Variants in BRD4 observed in about 807,000 individuals in gnomAD.
BRD4 encodes bromodomain containing 4.
A neutral mutation model predicts 142.1 loss-of-function variants in BRD4; 16 were observed. The ratio of observed to expected loss-of-function variants is 0.11; its 90% CI spans 0.08 to 0.17. The LOEUF is 0.17. Among genes scored for constraint, BRD4 ranks in the 10% least tolerant of loss-of-function variants. The pLI, the probability that BRD4 is intolerant of heterozygous loss-of-function variation, is 1.00. For missense variants in BRD4, 1,424 were observed against 1,810.9 expected (o/e 0.79, Z 3.88); for synonymous variants, 833 against 707.5 (o/e 1.18, Z -2.82).
intron 2 of BRD4, among the ~76,000 whole-genome samples, chr19:15,272,376 T>C (rs1248330153): frequency 1.3e-5 from 2 of 152,146 alleles, no homozygotes; most frequent in Non-Finnish European, 2.9e-5. Flanking sequence ...ACAGTGACGA[T>C]GATGCTAGGT....
rs191296664 is a variant in BRD4 at position 15,322,804 on chromosome 19, T to C, written c.-35+9486A>G. Among the ~76,000 whole-genome samples, 1,080 of 149,056 alleles carry C rather than the reference T, an allele frequency of 7.2e-3. 10 individuals carry two copies. Among genetic ancestry groups the C allele is most frequent in the Non-Finnish European group, 9.8e-3 (663 of 67,482 alleles). ...ATAGCGTGAACCTGGGAGGCAGAGC[T>C]TGCAGTGAGCTGAGACTGCGCCACT... On this transcript the variant is annotated intron_variant, in intron 1 of 19. Coordinates refer to ENST00000679869, the MANE Select transcript of BRD4 (RefSeq NM_001379291.1).
At chr19:15,318,442 T>C (rs1017898536) in intron 1 of BRD4, among the ~76,000 whole-genome samples, 1 of 152,156 alleles carries the variant, frequency 6.6e-6, no homozygotes, top group African/African-American at 2.4e-5. Context: ...CAGACAAGGA[T>C]GTGAGGAGAA....
chr19:15,264,815 C>A (rs1386082772), intron 5 of BRD4, 49 bp from the exon 6 acceptor site: 6 of 1,556,602 alleles, frequency 3.9e-6, no homozygotes, highest in Non-Finnish European at 5.2e-6. Flanking sequence ...TGGCAGCCGG[C>A]ACAGCTGCCC....
At chr19:15,253,952 A>T (rs1308393736) in intron 11 of BRD4, 200 bp downstream of exon 11, 17 of 706,778 alleles carry the variant, frequency 2.4e-5, no homozygotes, top group Non-Finnish European at 3.7e-5. Flanking sequence ...CCAGGCCGAG[A>T]GAATGGACAC....
intron 1 of BRD4, among the ~76,000 whole-genome samples, chr19:15,324,450 C>T (rs2048090878): frequency 6.6e-6 from 1 of 152,200 alleles, no homozygotes. Context: ...TCAAAAGGCC[C>T]AAAGTCGATC....
At chr19:15,263,758 G>A (rs1033746723) in intron 6 of BRD4, among the ~76,000 whole-genome samples, 6 of 152,186 alleles carry the variant, frequency 3.9e-5, no homozygotes, top group East Asian at 1.9e-4. Context: ...CACCTGCCTG[G>A]CTCGCAGGCA....
Position 15,263,281 on chromosome 19 carries a change from A to G in BRD4, c.1341+139T>C. 4 of 1,105,598 alleles carry G rather than the reference A, an allele frequency of 3.6e-6. No homozygotes were observed. The South Asian group carries it at 4.7e-5, about 13-fold the overall frequency. 68.5% of individuals were successfully genotyped at this position (1,105,598 alleles called of 1,614,324 possible). A position where few individuals can be genotyped will look rare whatever the true frequency, so the allele number is the denominator to read the frequency against. On this transcript the variant is annotated intron_variant, in intron 7 of 19. Coordinates refer to ENST00000679869, the MANE Select transcript of BRD4 (RefSeq NM_001379291.1). ...AAAATGTATGCACTAGGCTGACTTTAGGCACTTTTCTAAAGCAACATGGCA... is the reference window on the plus strand; with the variant it reads ...AAAATGTATGCACTAGGCTGACTTTGGGCACTTTTCTAAAGCAACATGGCA...
chr19:15,273,264 G>A, intron 1 of BRD4, 131 bp from the exon 2 acceptor site: 1 of 841,896 alleles, frequency 1.2e-6, no homozygotes, highest in Non-Finnish European at 1.8e-6. Flanking sequence ...TTGGCCAGAG[G>A]GACCACCCCA....
intron 1 of BRD4, among the ~76,000 whole-genome samples, chr19:15,277,643 A>G (rs1488987585): frequency 7.0e-6 from 1 of 142,388 alleles, no homozygotes; most frequent in Admixed American, 7.0e-5. Flanking sequence ...AAAAAAAAGT[A>G]CCCAGGCATG....
intron 7 of BRD4, among the ~76,000 whole-genome samples, chr19:15,263,139 G>C (rs2047492186): frequency 1.3e-5 from 2 of 152,236 alleles, no homozygotes; most frequent in South Asian, 4.1e-4. Context: ...GTGTTTTGTA[G>C]AAGAGACTGG....
chr19:15,243,774 A>T (rs1035452624), intron 13 of BRD4, among the ~76,000 whole-genome samples: 1 of 151,650 alleles, frequency 6.6e-6, no homozygotes, highest in Non-Finnish European at 1.5e-5. Context: ...TCGGTCTCTC[A>T]CTTGCCCGGC....
chr19:15,244,188 C>A, intron 13 of BRD4, 43 bp downstream of exon 13: 1 of 1,537,566 alleles, frequency 6.5e-7, no homozygotes, highest in African/African-American at 1.4e-5. Flanking sequence ...TAAACCGAGG[C>A]AGGAAGGGGT....
chr19:15,322,916 G>T (rs1315285903), intron 1 of BRD4, among the ~76,000 whole-genome samples: 1 of 150,236 alleles, frequency 6.7e-6, no homozygotes, highest in Non-Finnish European at 1.5e-5. Context: ...CGGGTGTGGT[G>T]GTGGGCGCCT....
Position 15,238,655 on chromosome 19 carries a change from C to G in BRD4, c.4020+88G>C, listed in dbSNP as rs2047212913. On this transcript the variant is annotated intron_variant, in intron 19 of 19. Transcript: ENST00000679869. This position sits in a 1 kb window ranked among gnomAD's most constrained non-coding sequence, Gnocchi z 7.2. Reference sequence around the variant, plus strand: ...GCAGGGACGGGGCTCCCCCGCTGCCCCTCCCTGTCCAGGCTCCAGTCCCCC... The same window carrying G: ...GCAGGGACGGGGCTCCCCCGCTGCCGCTCCCTGTCCAGGCTCCAGTCCCCC... The G allele has an allele frequency of 6.9e-7, 1 of 1,457,140 alleles. No homozygotes were observed. The highest frequency in any genetic ancestry group is 1.4e-5 in the African/African-American group (1 of 69,860). The allele number at this position is 1,457,140 out of a possible 1,614,324, so 90.3% of individuals were successfully genotyped here.
chr19:15,250,585 G>A (rs2047333569), intron 11 of BRD4, among the ~76,000 whole-genome samples: 2 of 152,182 alleles, frequency 1.3e-5, no homozygotes, highest in East Asian at 1.9e-4. Flanking sequence ...CTGCGCTCCC[G>A]TTCCAACTAG....
At chr19:15,281,608 A>C (rs1389533486) in intron 1 of BRD4, among the ~76,000 whole-genome samples, 1 of 152,230 alleles carries the variant, frequency 6.6e-6, no homozygotes, top group African/African-American at 2.4e-5. Context: ...CCATTGTTAC[A>C]TGTGGGTTAC....
At chr19:15,284,193 G>C (rs2047724806) in intron 1 of BRD4, among the ~76,000 whole-genome samples, 1 of 152,140 alleles carries the variant, frequency 6.6e-6, no homozygotes, top group Admixed American at 6.5e-5. Context: ...CTCAAGAAAT[G>C]GCTTCAGACA....
intron 1 of BRD4, among the ~76,000 whole-genome samples, chr19:15,313,078 A>G (rs1638331501): frequency 6.6e-6 from 1 of 151,844 alleles, no homozygotes; most frequent in Non-Finnish European, 1.5e-5. Context: ...CAAAAAAAAA[A>G]GTGTGAATTG....
intron 1 of BRD4, among the ~76,000 whole-genome samples, chr19:15,322,824 G>A (rs1291864847): frequency 6.5e-5 from 9 of 137,778 alleles, no homozygotes; most frequent in Admixed American, 1.5e-4. Flanking sequence ...CTGAGACTGC[G>A]CCACTGCACT....
Sources: gnomAD v4.1 joint callset for allele counts (sites outside exome capture counted in the v4.1 genomes callset) on GRCh38, gnomAD v4.1.1 for gene constraint, Gnocchi (gnomAD v3.1) non-coding constraint, MANE v1.5 for transcripts, NCBI Gene and HGNC (gene_info 2026-07-23, HGNC 2026-07-21) for gene names.